ATG10: variants seen among roughly 807,000 people sequenced by gnomAD.
ATG10 encodes the protein ubiquitin-like-conjugating enzyme ATG10.
Under a neutral mutation model 32.1 loss-of-function variants are expected in ATG10, and 30 were observed. The ratio of observed to expected loss-of-function variants is 0.94; its 90% CI spans 0.70 to 1.27. ATG10 has a LOEUF of 1.27. Among genes scored for constraint, ATG10 ranks in the 50% most tolerant of loss-of-function variants. The pLI, the probability that ATG10 is intolerant of heterozygous loss-of-function variation, is 0.00. For missense variants in ATG10, 233 were observed against 262.3 expected (o/e 0.89, Z 0.77); for synonymous variants, 87 against 91.5 (o/e 0.95, Z 0.28).
At chr5:82,071,414 C>CGGTT (rs1561283799) in intron 3 of ATG10, among the ~76,000 whole-genome samples, 12 of 152,052 alleles carry the variant, frequency 7.9e-5, no homozygotes, top group Non-Finnish European at 1.3e-4. Context: ...ACCTATCAAC[C>CGGTT]GATCCTGGCT....
chr5:82,237,235 C>G (rs904575454), intron 5 of ATG10, among the ~76,000 whole-genome samples: 1 of 152,142 alleles, frequency 6.6e-6, no homozygotes, highest in Non-Finnish European at 1.5e-5. Flanking sequence ...AACTCCTTTC[C>G]CATTAAACTT....
chr5:82,109,100 A>G (rs1206925198), intron 3 of ATG10, among the ~76,000 whole-genome samples: 1 of 152,112 alleles, frequency 6.6e-6, no homozygotes, highest in Non-Finnish European at 1.5e-5. Flanking sequence ...GGAAGACTAC[A>G]TATAGGAGGC....
chr5:82,094,372 G>C (rs1764985898), intron 3 of ATG10, among the ~76,000 whole-genome samples: 1 of 152,084 alleles, frequency 6.6e-6, no homozygotes, highest in Non-Finnish European at 1.5e-5. Context: ...AATTACTTCA[G>C]ATGGCAAGTG....
At chr5:82,081,981 C>G (rs186519359) in intron 3 of ATG10, among the ~76,000 whole-genome samples, 1 of 152,318 alleles carries the variant, frequency 6.6e-6, no homozygotes, top group Non-Finnish European at 1.5e-5. Flanking sequence ...GTGAATCCAT[C>G]TGGTCCTGGA....
chr5:82,219,539 A>T (rs1464877977), intron 5 of ATG10, among the ~76,000 whole-genome samples: 4 of 149,402 alleles, frequency 2.7e-5, no homozygotes, highest in African/African-American at 1.0e-4. Context: ...GTAGCTAGTG[A>T]GACTTTCACA....
chr5:82,171,228 G>T (rs1377018406), intron 4 of ATG10, among the ~76,000 whole-genome samples: 1 of 152,106 alleles, frequency 6.6e-6, no homozygotes, highest in Admixed American at 6.6e-5. Context: ...CACTGTGTGT[G>T]GACAGTTTAA....
intron 2 of ATG10, among the ~76,000 whole-genome samples, chr5:82,031,675 C>T (rs1235422407): frequency 1.3e-5 from 2 of 152,230 alleles, no homozygotes; most frequent in East Asian, 1.9e-4. Context: ...GGAAGGTCTG[C>T]GAAGAGCTGG....
At chr5:82,145,823 C>T (rs1325486523) in intron 3 of ATG10, among the ~76,000 whole-genome samples, 2 of 151,674 alleles carry the variant, frequency 1.3e-5, no homozygotes, top group Non-Finnish European at 1.5e-5. Flanking sequence ...TCTTGTGGCT[C>T]AGCCTCCTGA....
chr5:82,194,602 C>T (rs1323467421), intron 5 of ATG10, among the ~76,000 whole-genome samples: 10 of 152,126 alleles, frequency 6.6e-5, no homozygotes, highest in Non-Finnish European at 1.2e-4. Flanking sequence ...GCCAGGCCTA[C>T]CTTTTCATCT....
At chr5:82,090,643 A>G in intron 3 of ATG10, among the ~76,000 whole-genome samples, 1 of 152,138 alleles carries the variant, frequency 6.6e-6, no homozygotes, top group East Asian at 1.9e-4. Flanking sequence ...ATGGGCAACA[A>G]GTGGGATCCT....
At chr5:82,119,246 T>C (rs1313903890) in intron 3 of ATG10, among the ~76,000 whole-genome samples, 1 of 152,206 alleles carries the variant, frequency 6.6e-6, no homozygotes, top group Non-Finnish European at 1.5e-5. Context: ...ATCTGTTTTT[T>C]CTACAGATTT....
intron 3 of ATG10, among the ~76,000 whole-genome samples, chr5:82,068,058 A>G (rs1763996711): frequency 6.6e-6 from 1 of 152,144 alleles, no homozygotes; most frequent in Non-Finnish European, 1.5e-5. Flanking sequence ...GGGCCATTTA[A>G]TACATTATTT....
At chr5:82,079,769 T>C (rs1764409977) in intron 3 of ATG10, among the ~76,000 whole-genome samples, 1 of 152,228 alleles carries the variant, frequency 6.6e-6, no homozygotes, top group African/African-American at 2.4e-5. Flanking sequence ...CTATCACTGA[T>C]AGACATTTGG....
intron 5 of ATG10, among the ~76,000 whole-genome samples, chr5:82,238,497 C>T (rs1040794820): frequency 1.3e-5 from 2 of 152,104 alleles, no homozygotes; most frequent in African/African-American, 2.4e-5. Context: ...ATTGCAGGTG[C>T]AGCTGGACTG....
At chr5:82,033,741 C>T (rs1272405059) in intron 2 of ATG10, among the ~76,000 whole-genome samples, 3 of 151,378 alleles carry the variant, frequency 2.0e-5, no homozygotes, top group Non-Finnish European at 4.4e-5. Context: ...CACACACACA[C>T]ACACACACAC....
intron 3 of ATG10, among the ~76,000 whole-genome samples, chr5:82,108,287 A>G (rs1418217278): frequency 6.6e-6 from 1 of 152,022 alleles, no homozygotes; most frequent in Non-Finnish European, 1.5e-5. Context: ...TAATGGTTGT[A>G]GTAATACCTT....
chr5:82,037,483 G>T (rs1027820787), intron 2 of ATG10, among the ~76,000 whole-genome samples: 6 of 151,130 alleles, frequency 4.0e-5, no homozygotes, highest in Non-Finnish European at 8.9e-5. Flanking sequence ...TCCTGACCTC[G>T]TGATCCGCCC....
At chr5:82,001,469 A>G (rs1175082993) in intron 2 of ATG10, among the ~76,000 whole-genome samples, 1 of 152,176 alleles carries the variant, frequency 6.6e-6, no homozygotes, top group Non-Finnish European at 1.5e-5. Flanking sequence ...CCAATGAAAC[A>G]GAATGGAGAA....
At chr5:82,151,013 C>G (rs1356835488) in intron 3 of ATG10, among the ~76,000 whole-genome samples, 1 of 152,104 alleles carries the variant, frequency 6.6e-6, no homozygotes, top group Non-Finnish European at 1.5e-5. Context: ...GTGGAAGATG[C>G]CAAGGATCAA....
Sources: allele counts gnomAD v4.1 joint callset (sites outside exome capture counted in the v4.1 genomes callset), GRCh38; gene constraint gnomAD v4.1.1; transcripts MANE v1.5; gene names NCBI Gene and HGNC (gene_info 2026-07-23, HGNC 2026-07-21).